The following NBPF3 variants were observed in gnomAD, a reference collection of about 807,000 sequenced individuals.
NBPF3 encodes NBPF member 3.
NBPF3 carries 57 observed loss-of-function variants against 78.1 expected under a neutral mutation model. That is an observed-to-expected ratio of 0.73 (90% CI 0.59 to 0.91). NBPF3 has a LOEUF of 0.91. Among genes scored for constraint, NBPF3 ranks in the 40% least tolerant of loss-of-function variants. NBPF3 has a pLI of 0.00. For missense variants in NBPF3, 510 were observed against 715.3 expected, an observed-to-expected ratio of 0.71 and a Z score of 3.27; for synonymous variants, 182 against 271.7, an observed-to-expected ratio of 0.67 and a Z score of 3.25.
At chr1:21,468,659 C>T (rs1400342254) in intron 2 of NBPF3, 29 bp from the exon 3 acceptor site, 2 of 1,612,378 alleles carry the variant, frequency 1.2e-6, no homozygotes, top group Non-Finnish European at 1.7e-6. Context: ...GTTTTTAACC[C>T]ATCGTGTGTT....
intron 1 of NBPF3, chr1:21,440,932 G>A (rs1640607569): frequency 6.6e-6 from 1 of 152,242 alleles, no homozygotes; most frequent in African/African-American, 2.4e-5. Context: ...TGGATTGTGG[G>A]GTTGCTGTTT....
intron 7 of NBPF3, 125 bp from the exon 8 acceptor site, chr1:21,474,775 C>T (rs1642801449): frequency 4.4e-6 from 4 of 912,076 alleles, no homozygotes; most frequent in East Asian, 2.9e-5. Context: ...CTGGAGTGCT[C>T]CTGTCAGAAT....
rs754258838 is a variant in NBPF3, at chr1:21,480,243, G to A, written c.1381+20G>A. On this transcript the variant is annotated intron_variant, in intron 11 of 14. Coordinates refer to ENST00000318249, the MANE Select transcript of NBPF3 (RefSeq NM_032264.6). ...TGGACAGTGAGTACCTTACTATGAA[G>A]GTGATAAGACTCCACCTGGTCCTCC... is the stretch of plus-strand genomic sequence containing the variant. 9 of 1,116,690 alleles carry A rather than the reference G, an allele frequency of 8.1e-6. 1 individual carries two copies. The highest frequency in any genetic ancestry group is 1.3e-5 in the South Asian group (1 of 76,782). The allele number at this position is 1,116,690 out of a possible 1,614,324, so 69.2% of individuals were successfully genotyped here. A position where few individuals can be genotyped will look rare whatever the true frequency, so the allele number is the denominator to read the frequency against.
intron 1 of NBPF3, among the ~76,000 whole-genome samples, chr1:21,441,524 T>G (rs1640646089): frequency 6.6e-6 from 1 of 151,996 alleles, no homozygotes; most frequent in Non-Finnish European, 1.5e-5. Flanking sequence ...CTCGGCAATG[T>G]GGCAAAACCC....
intron 3 of NBPF3, among the ~76,000 whole-genome samples, chr1:21,470,108 T>TA (rs1426423232): frequency 6.6e-6 from 1 of 152,238 alleles, no homozygotes; most frequent in Non-Finnish European, 1.5e-5. Context: ...CTTATGGTCT[T>TA]ACGTCTCATC....
Position 21,480,393 on chromosome 1 carries a change from A to G in NBPF3, c.1381+170A>G, listed in dbSNP as rs1369833734. Among the ~76,000 whole-genome samples the G allele has an allele frequency of 1.1e-4, 12 of 112,322 alleles. 6 individuals carry two copies. The highest frequency in any genetic ancestry group is 2.6e-4 in the Non-Finnish European group (12 of 45,636). The allele number at this position is 112,322 out of a possible 152,430, so 73.7% of individuals were successfully genotyped here. A position where few individuals can be genotyped will look rare whatever the true frequency, so the allele number is the denominator to read the frequency against. On this transcript the variant is annotated intron_variant, in intron 11 of 14. Coordinates refer to ENST00000318249, the MANE Select transcript of NBPF3 (RefSeq NM_032264.6). Reference sequence around the variant, plus strand: ...TGTAGTTTCAGTTGGAAGCCCAGACATGAAATGGGTCAGTGAGCATGGCTC... The same window carrying G: ...TGTAGTTTCAGTTGGAAGCCCAGACGTGAAATGGGTCAGTGAGCATGGCTC...
At chr1:21,451,567 C>G (rs1236119096) in intron 2 of NBPF3, among the ~76,000 whole-genome samples, 2 of 152,198 alleles carry the variant, frequency 1.3e-5, no homozygotes, top group African/African-American at 2.4e-5. Flanking sequence ...CACCTGTCAT[C>G]ACCACCACCA....
rs1178378014 is a variant in NBPF3 at position 21,464,948 on chromosome 1, C to T, written c.134-3740C>T. The stretch of plus-strand genomic sequence containing the variant: ...CTTGAGCCCAGAAGTTCAAGGTTGC[C>T]GTGATCTATAATCACCAGTGCACTC... On this transcript the variant is annotated intron_variant, in intron 2 of 14. Coordinates refer to ENST00000318249, the MANE Select transcript of NBPF3 (RefSeq NM_032264.6). Among the ~76,000 whole-genome samples, 7 of 146,378 alleles carry T rather than the reference C, an allele frequency of 4.8e-5. No homozygotes were observed. The South Asian group carries it at 6.5e-4, about 14-fold the overall frequency.
intron 2 of NBPF3, among the ~76,000 whole-genome samples, chr1:21,449,458 CTTTA>C (rs57877174): frequency 1.5e-4 from 23 of 150,532 alleles, no homozygotes; most frequent in Middle Eastern, 3.4e-3. Flanking sequence ...AACGAACCAT[CTTTA>C]TTTATTTATT....
chr1:21,479,219 T>A (rs1236618798), intron 9 of NBPF3, 130 bp from the exon 10 acceptor site: 1 of 1,033,744 alleles, frequency 9.7e-7, no homozygotes, highest in African/African-American at 1.6e-5. Flanking sequence ...TCCTGGTATA[T>A]TTCTCTCAAA....
intron 1 of NBPF3, 34 bp from the exon 2 acceptor site, chr1:21,444,914 A>G (rs1207229457): frequency 1.5e-6 from 1 of 652,652 alleles, no homozygotes; most frequent in Non-Finnish European, 2.5e-6. Context: ...CCAAATCTCA[A>G]TGTTAACCTT....
At chr1:21,456,510 T>A (rs952002986) in intron 2 of NBPF3, among the ~76,000 whole-genome samples, 12 of 152,180 alleles carry the variant, frequency 7.9e-5, no homozygotes, top group Non-Finnish European at 1.5e-4. Flanking sequence ...AGTTTATAAT[T>A]AAAAAAACTG....
chr1:21,436,868 C>T, upstream of NBPF3: 1 of 664,372 alleles, frequency 1.5e-6, no homozygotes. This position sits in a 1 kb window ranked among gnomAD's most constrained non-coding sequence, Gnocchi z 4.3. Context: ...GGGGCTCGCG[C>T]CCTCCGGGTG....
Position 21,470,655 on chromosome 1 carries a change from A to C in NBPF3, c.367A>C (p.Ile123Leu). The C allele has an allele frequency of 6.3e-7, 1 of 1,599,332 alleles. No individual in the cohort carries two copies. Among genetic ancestry groups the C allele is most frequent in the South Asian group, 1.1e-5 (1 of 90,902 alleles). The change falls in exon 4 of 15, where the codon ATA becomes CTA. Residue 123 changes from isoleucine (I) to leucine (L), a missense_variant. Physicochemically the swap from Ile to Leu is conservative, Grantham distance 5. Transcript: ENST00000318249. The stretch of plus-strand genomic sequence containing the variant: ...AGACTATGAAGACTGCAAAGACCTC[A>C]TAAAATCTATGCTGAGGGATGAGCG... ...NYDYEDCKDL[I>L]KSMLRDERLL...
rs146646090 is a variant in NBPF3, at chr1:21,470,350, G to A, written c.344-282G>A. On this transcript the variant is annotated intron_variant, in intron 3 of 14. Coordinates refer to ENST00000318249, the MANE Select transcript of NBPF3 (RefSeq NM_032264.6). Reference sequence around the variant, plus strand: ...TTGGGAAAGTGGCCCCGCATTCAGAGTCAGACCTCAGGGGCTGTGAATTCT... The same window carrying A: ...TTGGGAAAGTGGCCCCGCATTCAGAATCAGACCTCAGGGGCTGTGAATTCT... 8.5e-3 allele frequency among the ~76,000 whole-genome samples: 1,289 copies of A among 152,332 alleles called. 16 individuals carry two copies. The highest frequency in any genetic ancestry group is 0.029 in the African/African-American group (1,216 of 41,574).
intron 2 of NBPF3, among the ~76,000 whole-genome samples, chr1:21,465,790 C>T (rs1012184972): frequency 6.6e-6 from 1 of 152,158 alleles, no homozygotes; most frequent in Non-Finnish European, 1.5e-5. Flanking sequence ...AATCGTACTG[C>T]TAAGAATTCA....
chr1:21,449,306 C>T (rs1054559715), intron 2 of NBPF3, among the ~76,000 whole-genome samples: 1 of 145,396 alleles, frequency 6.9e-6, no homozygotes, highest in Non-Finnish European at 1.6e-5. Flanking sequence ...GTTTATGGCT[C>T]TCCTTGAAAT....
upstream of NBPF3, chr1:21,437,422 A>G: frequency 8.1e-7 from 1 of 1,237,012 alleles, no homozygotes; most frequent in Non-Finnish European, 1.1e-6. Context: ...ACGTAGGCCT[A>G]GAGGAACAGA....
chr1:21,449,452 A>C (rs1363672279), intron 2 of NBPF3, among the ~76,000 whole-genome samples: 1 of 124,390 alleles, frequency 8.0e-6, no homozygotes, highest in Non-Finnish European at 1.7e-5. Flanking sequence ...TTAAGTAACG[A>C]ACCATCTTTA....
Sources: gnomAD v4.1 joint callset for allele counts (sites outside exome capture counted in the v4.1 genomes callset) on GRCh38, gnomAD v4.1.1 for gene constraint, Gnocchi (gnomAD v3.1) non-coding constraint, MANE v1.5 for transcripts, NCBI Gene and HGNC (gene_info 2026-07-23, HGNC 2026-07-21) for gene names.